The following DAPK1 variants were observed in gnomAD, a reference collection of about 807,000 sequenced individuals.
DAPK1 encodes the protein death-associated protein kinase 1.
DAPK1 carries 56 observed loss-of-function variants against 144.9 expected under a neutral mutation model. The observed-to-expected ratio is 0.39, with a 90% CI of 0.31 to 0.48. DAPK1 has a LOEUF of 0.48. Among genes scored for constraint, DAPK1 ranks in the 20% least tolerant of loss-of-function variants. The pLI is 0.95. For missense variants in DAPK1, 1,454 were observed against 1,875.4 expected (o/e 0.78, Z 4.15); for synonymous variants, 690 against 749.0 (o/e 0.92, Z 1.29).
intron 7 of DAPK1, 101 bp downstream of exon 7, chr9:87,639,916 T>TCAAAAGCATGCATAA: frequency 8.1e-7 from 1 of 1,232,722 alleles, no homozygotes; most frequent in South Asian, 1.3e-5. Flanking sequence ...AGCTTATGCA[T>TCAAAAGCATGCATAA]GCTTTTGATG....
intron 24 of DAPK1, among the ~76,000 whole-genome samples, chr9:87,701,631 C>T (rs574502119): frequency 6.6e-6 from 1 of 152,112 alleles, no homozygotes; most frequent in East Asian, 1.9e-4. Context: ...GTGGCATTCA[C>T]TCTGGAGTCT....
chr9:87,661,031 G>A (rs1830827562), intron 18 of DAPK1, among the ~76,000 whole-genome samples: 1 of 152,094 alleles, frequency 6.6e-6, no homozygotes, highest in Non-Finnish European at 1.5e-5. Flanking sequence ...GTAGAGACGG[G>A]GTTTCACCAT....
intron 10 of DAPK1, among the ~76,000 whole-genome samples, chr9:87,642,304 C>A (rs1446596244): frequency 2.0e-5 from 3 of 152,178 alleles, no homozygotes; most frequent in Non-Finnish European, 2.9e-5. Context: ...ATTCTCAGTG[C>A]AAATTTTTAT....
chr9:87,599,339 G>A (rs1304739670), intron 2 of DAPK1, among the ~76,000 whole-genome samples: 1 of 152,204 alleles, frequency 6.6e-6, no homozygotes, highest in East Asian at 1.9e-4. Context: ...AGAAATATGT[G>A]TAAAGAGCCT....
chr9:87,510,435 C>T (rs895225959), intron 2 of DAPK1, among the ~76,000 whole-genome samples: 1 of 152,188 alleles, frequency 6.6e-6, no homozygotes, highest in Non-Finnish European at 1.5e-5. Flanking sequence ...AATACACATG[C>T]GAAATGGCCC....
At chr9:87,646,312 C>A in intron 12 of DAPK1, 149 bp from the exon 13 acceptor site, 1 of 659,146 alleles carries the variant, frequency 1.5e-6, no homozygotes, top group African/African-American at 1.8e-5. Context: ...AGGTTTTATA[C>A]CCTTCCACCT....
At chr9:87,618,035 C>T (rs1323381454) in intron 3 of DAPK1, among the ~76,000 whole-genome samples, 1 of 152,256 alleles carries the variant, frequency 6.6e-6, no homozygotes, top group Non-Finnish European at 1.5e-5. Flanking sequence ...CATTCTCTTA[C>T]TTTGGCCCTG....
At chr9:87,566,085 A>G in intron 2 of DAPK1, among the ~76,000 whole-genome samples, 1 of 145,620 alleles carries the variant, frequency 6.9e-6, no homozygotes, top group Non-Finnish European at 1.5e-5. Context: ...CAGTGGCACG[A>G]TCTTGGCTCA....
chr9:87,692,392 G>A (rs1016579078), intron 21 of DAPK1, among the ~76,000 whole-genome samples: 1 of 151,996 alleles, frequency 6.6e-6, no homozygotes, highest in Non-Finnish European at 1.5e-5. Context: ...TTTCTTGTCA[G>A]CAGCATATAG....
intron 2 of DAPK1, among the ~76,000 whole-genome samples, chr9:87,512,660 T>C (rs945571318): frequency 2.0e-5 from 3 of 151,938 alleles, no homozygotes; most frequent in Non-Finnish European, 2.9e-5. Context: ...TTTCTTTTTT[T>C]TGAGACGGAG....
At chr9:87,557,450 G>A (rs1826759742) in intron 2 of DAPK1, among the ~76,000 whole-genome samples, 1 of 152,134 alleles carries the variant, frequency 6.6e-6, no homozygotes, top group Admixed American at 6.5e-5. Context: ...AACATCTTTT[G>A]TGAGCTCTAA....
chr9:87,593,797 TTCCTTATGG>T (rs1419253631), intron 2 of DAPK1, among the ~76,000 whole-genome samples: 1 of 152,212 alleles, frequency 6.6e-6, no homozygotes, highest in Non-Finnish European at 1.5e-5. Flanking sequence ...GAACAAATCA[TTCCTTATGG>T]TCCAGTTAAC....
intron 10 of DAPK1, 64 bp from the exon 11 acceptor site, chr9:87,643,312 C>T (rs958643787): frequency 3.7e-5 from 35 of 957,650 alleles, no homozygotes; most frequent in Admixed American, 2.3e-4. Context: ...GCTGTCTCTC[C>T]TCCTCTCACC....
chr9:87,502,824 C>T (rs1057316270), intron 2 of DAPK1, among the ~76,000 whole-genome samples: 5 of 152,250 alleles, frequency 3.3e-5, no homozygotes, highest in Non-Finnish European at 5.9e-5. Context: ...TTGTGAGTTT[C>T]TTTGGGGTGT....
chr9:87,582,088 T>A (rs775596284), intron 2 of DAPK1, among the ~76,000 whole-genome samples: 1 of 152,134 alleles, frequency 6.6e-6, no homozygotes, highest in Non-Finnish European at 1.5e-5. Flanking sequence ...GATTTTGTAC[T>A]CTGCTGGAAT....
intron 2 of DAPK1, among the ~76,000 whole-genome samples, chr9:87,561,595 A>AT (rs1274444180): frequency 6.6e-6 from 1 of 152,110 alleles, no homozygotes; most frequent in Non-Finnish European, 1.5e-5. Context: ...CCTTTCATTG[A>AT]TTTTTTATTT....
At chr9:87,701,619 T>C (rs1825455283) in intron 24 of DAPK1, among the ~76,000 whole-genome samples, 1 of 151,846 alleles carries the variant, frequency 6.6e-6, no homozygotes, top group African/African-American at 2.4e-5. Flanking sequence ...AGTGGAGAAG[T>C]GGTGGCATTC....
intron 2 of DAPK1, among the ~76,000 whole-genome samples, chr9:87,500,590 T>A (rs1186796779): frequency 2.6e-5 from 4 of 152,220 alleles, no homozygotes; most frequent in Admixed American, 2.6e-4. Context: ...GATTATTATA[T>A]TATGGATTAA....
chr9:87,551,864 C>T (rs563736938), intron 2 of DAPK1, among the ~76,000 whole-genome samples: 10 of 152,250 alleles, frequency 6.6e-5, no homozygotes, highest in African/African-American at 2.2e-4. Flanking sequence ...CTCTGAGGGG[C>T]GGGCGCTGCT....
Sources: allele counts gnomAD v4.1 joint callset (sites outside exome capture counted in the v4.1 genomes callset), GRCh38; gene constraint gnomAD v4.1.1; transcripts MANE v1.5; gene names NCBI Gene and HGNC (gene_info 2026-07-23, HGNC 2026-07-21).